AK9: variants seen among roughly 807,000 people sequenced by gnomAD.
AK9 encodes the protein adenylate kinase 9, also known as adenylate kinase domain containing 1.
AK9 carries 191 observed loss-of-function variants against 239.6 expected under a neutral mutation model. The observed-to-expected ratio is 0.80, with a 90% CI of 0.71 to 0.90. The LOEUF is 0.90. Ranked by LOEUF, AK9 falls within the 40% of genes least tolerant of loss-of-function variation. The pLI, the probability that AK9 is intolerant of heterozygous loss-of-function variation, is 0.00. For synonymous variants in AK9, 689 were observed against 721.0 expected (o/e 0.96, Z 0.71); for missense variants, 1,995 against 2,214.7 (o/e 0.90, Z 1.99).
intron 5 of AK9, among the ~76,000 whole-genome samples, chr6:109,665,558 A>G (rs1253107121): frequency 2.0e-5 from 3 of 152,158 alleles, no homozygotes; most frequent in Non-Finnish European, 4.4e-5. Flanking sequence ...CTTGATTAAC[A>G]ACATGTTTGA....
At chr6:109,662,725 TTATTA>T (rs1021044195) in intron 5 of AK9, 62 bp from the exon 6 acceptor site, 25 of 725,924 alleles carry the variant, frequency 3.4e-5, no homozygotes, top group South Asian at 4.7e-5. Flanking sequence ...GGGCATGGAT[TTATTA>T]TATTATATAT....
chr6:109,564,047 G>C, intron 23 of AK9, 33 bp downstream of exon 23: 3 of 1,521,786 alleles, frequency 2.0e-6, no homozygotes, highest in Non-Finnish European at 2.7e-6. Flanking sequence ...ATCACCTGCT[G>C]TTGATAATAA....
intron 32 of AK9, among the ~76,000 whole-genome samples, chr6:109,512,012 C>T (rs1029760911): frequency 1.3e-5 from 2 of 152,140 alleles, no homozygotes; most frequent in African/African-American, 4.8e-5. Flanking sequence ...AGAGCAACTC[C>T]ATCTTGAGTA....
chr6:109,531,622 A>G (rs1288619919), intron 28 of AK9, among the ~76,000 whole-genome samples: 1 of 152,196 alleles, frequency 6.6e-6, no homozygotes, highest in African/African-American at 2.4e-5. Context: ...CCTGTACAGG[A>G]CAGCACAGAT....
At chr6:109,498,092 T>C in intron 36 of AK9, 127 bp from the exon 37 acceptor site, 2 of 823,574 alleles carry the variant, frequency 2.4e-6, no homozygotes, top group South Asian at 3.6e-5. Context: ...CCTCAAACTG[T>C]AAATAACCTC....
At chr6:109,674,137 C>T in intron 3 of AK9, 61 bp downstream of exon 3, 2 of 1,356,592 alleles carry the variant, frequency 1.5e-6, no homozygotes, top group South Asian at 1.4e-5. Flanking sequence ...TAATTATCTC[C>T]ATTTTATGAA....
intron 15 of AK9, among the ~76,000 whole-genome samples, 189 bp from the exon 16 acceptor site, chr6:109,612,282 A>G (rs182661711): frequency 2.0e-5 from 3 of 152,322 alleles, no homozygotes; most frequent in East Asian, 3.9e-4. Flanking sequence ...TAACAAAACC[A>G]GGAGTAATTT....
At chr6:109,583,849 T>C (rs1789155350) in intron 19 of AK9, among the ~76,000 whole-genome samples, 1 of 152,152 alleles carries the variant, frequency 6.6e-6, no homozygotes, top group Non-Finnish European at 1.5e-5. Context: ...ACATCAACTT[T>C]GTTTTACTCT....
chr6:109,526,847 C>T (rs112837377), intron 29 of AK9, among the ~76,000 whole-genome samples: 17 of 152,256 alleles, frequency 1.1e-4, no homozygotes, highest in East Asian at 5.8e-4. Context: ...TGTGTATCAA[C>T]CTTTGGGTCT....
intron 17 of AK9, among the ~76,000 whole-genome samples, chr6:109,595,736 C>T (rs1790934468): frequency 6.6e-6 from 1 of 152,142 alleles, no homozygotes; most frequent in South Asian, 2.1e-4. Flanking sequence ...TCATTCTCAG[C>T]AAACTAACAC....
intron 21 of AK9, among the ~76,000 whole-genome samples, chr6:109,569,064 A>G (rs971394423): frequency 6.6e-6 from 1 of 152,214 alleles, no homozygotes; most frequent in Non-Finnish European, 1.5e-5. Context: ...ACAGTATGGT[A>G]CTGGTACCAA....
At chr6:109,633,595 T>C (rs12199509) in intron 10 of AK9, among the ~76,000 whole-genome samples, 74 of 152,314 alleles carry the variant, frequency 4.9e-4, no homozygotes, top group Non-Finnish European at 9.0e-4. Context: ...TAAATTCTAC[T>C]GAGCAATTTC....
intron 7 of AK9, among the ~76,000 whole-genome samples, chr6:109,658,524 C>A (rs766650034): frequency 6.6e-6 from 1 of 152,124 alleles, no homozygotes; most frequent in South Asian, 2.1e-4. Flanking sequence ...CTCCCCATTG[C>A]GCACTTGAAA....
At chr6:109,678,962 C>T (rs1772193140) in intron 1 of AK9, among the ~76,000 whole-genome samples, 2 of 152,230 alleles carry the variant, frequency 1.3e-5, no homozygotes, top group South Asian at 4.1e-4. Context: ...TCACAACCCG[C>T]AGACCAGGAG....
intron 10 of AK9, among the ~76,000 whole-genome samples, chr6:109,640,586 T>A (rs1196868535): frequency 2.6e-5 from 4 of 152,062 alleles, no homozygotes; most frequent in Non-Finnish European, 5.9e-5. Context: ...AATTTTTTTT[T>A]TTTTTTATTT....
At chr6:109,591,168 T>G (rs1790183911) in intron 17 of AK9, among the ~76,000 whole-genome samples, 1 of 152,176 alleles carries the variant, frequency 6.6e-6, no homozygotes, top group South Asian at 2.1e-4. Context: ...TTCTTAGGTC[T>G]AGTTGTATTT....
At position 109,493,420 on chromosome 6, in the gene AK9, A is replaced by G; in HGVS notation, c.5685T>C (p.His1895=). The G allele has an allele frequency of 6.2e-7, 1 of 1,614,194 alleles. No individual in the cohort carries two copies. ...EPQFRAIDFD[H]KLKTFLSLRN... ...TGAGAGAGAGAAAGGTCTTTAACTT[A>G]TGATCAAAGTCAATGGCTCTGAACT... Residue 1895 remains histidine (H), a synonymous_variant, in exon 41 of 41, where the codon CAT becomes CAC. Transcript: ENST00000424296.
chr6:109,494,761 A>ATTT (rs1776865791), intron 39 of AK9, among the ~76,000 whole-genome samples: 1 of 151,228 alleles, frequency 6.6e-6, no homozygotes, highest in Non-Finnish European at 1.5e-5. Context: ...ACTTTTTTTA[A>ATTT]AAAAAGCTTT....
chr6:109,687,498 G>A lies in AK9; in HGVS notation c.-12+3649C>T, dbSNP rs371142673. 1.7e-3 allele frequency among the ~76,000 whole-genome samples: 253 copies of A among 152,310 alleles called. 8 individuals are homozygous for A. In the South Asian group the frequency reaches 0.05, roughly 30 times the overall value. On this transcript the variant is annotated intron_variant, in intron 1 of 40. Transcript: ENST00000424296. ...CTGGAGGGAGACTTTCTGTTGGCTT[G>A]GAAGAAGTAAGCTGCCATGTTGTGA...
Sources: allele counts gnomAD v4.1 joint callset (sites outside exome capture counted in the v4.1 genomes callset), GRCh38; gene constraint gnomAD v4.1.1; transcripts MANE v1.5; gene names NCBI Gene and HGNC (gene_info 2026-07-23, HGNC 2026-07-21).